The following TERF1 variants were observed in gnomAD, a reference collection of about 807,000 sequenced individuals.
The protein encoded by TERF1 is telomeric repeat binding factor 1.
Under a neutral mutation model 55.1 loss-of-function variants are expected in TERF1, and 20 were observed. That is an observed-to-expected ratio of 0.36 (90% CI 0.26 to 0.53). The LOEUF (loss-of-function observed/expected upper bound fraction) is 0.53, where lower values mean the gene tolerates loss of function less well. Ranked by LOEUF, TERF1 falls within the 20% of genes least tolerant of loss-of-function variation. The pLI, the probability that TERF1 is intolerant of heterozygous loss-of-function variation, is 0.91. For missense variants in TERF1, 439 were observed against 535.7 expected (o/e 0.82, Z 1.78); for synonymous variants, 168 against 181.2 (o/e 0.93, Z 0.59).
intron 8 of TERF1, 57 bp from the exon 9 acceptor site, chr8:73,039,059 T>C: frequency 9.0e-7 from 1 of 1,109,142 alleles, no homozygotes; most frequent in Non-Finnish European, 1.3e-6. Context: ...AAAAATATAA[T>C]TGCTCTTTTT....
chr8:73,037,404 A>T (rs1304801007), intron 8 of TERF1, among the ~76,000 whole-genome samples: 1 of 130,462 alleles, frequency 7.7e-6, no homozygotes, highest in Non-Finnish European at 1.6e-5. Flanking sequence ...ATTTGGGGGG[A>T]AAATACATAT....
Position 73,027,003 on chromosome 8 carries a change from G to A in TERF1, c.838G>A (p.Gly280Ser), listed in dbSNP as rs1432715768. The part of the protein sequence containing the change: ...RTITSQDKPS[G>S]NDVEMETEAN... ...AATAACTTCTCAAGATAAACCTAGT[G>A]GTAATGATGTTGAAATGGAAACTGA... Residue 280 changes from glycine (G) to serine (S), a missense_variant, in exon 6 of 10, where the codon GGT (glycine) becomes AGT (serine). Transcript: ENST00000276603. 6.2e-7 allele frequency: 1 copy of A among 1,612,338 alleles called. No homozygotes were observed. Among genetic ancestry groups the A allele is most frequent in the Non-Finnish European group, 8.5e-7 (1 of 1,179,626 alleles).
chr8:73,039,770 G>GGTGTGTGTGTGTGTGTGTGT (rs35184446), intron 9 of TERF1, among the ~76,000 whole-genome samples: 5 of 136,364 alleles, frequency 3.7e-5, no homozygotes, highest in African/African-American at 8.2e-5. Context: ...TTGTTTTTGT[G>GGTGTGTGTGTGTGTGTGTGT]GTGTGTGTGT....
chr8:73,022,699 T>G (rs1226694034), intron 4 of TERF1, among the ~76,000 whole-genome samples: 1 of 151,984 alleles, frequency 6.6e-6, no homozygotes, highest in Non-Finnish European at 1.5e-5. Context: ...ATAATACCAG[T>G]ACTTTAGGAG....
At chr8:73,025,479 G>A (rs569945934) in intron 5 of TERF1, among the ~76,000 whole-genome samples, 3 of 152,126 alleles carry the variant, frequency 2.0e-5, no homozygotes, top group African/African-American at 7.2e-5. Flanking sequence ...TGGGCCGGGC[G>A]CGGTGGCTCA....
At chr8:73,026,604 GAT>G (rs1465612336) in intron 5 of TERF1, among the ~76,000 whole-genome samples, 5 of 151,230 alleles carry the variant, frequency 3.3e-5, no homozygotes, top group Non-Finnish European at 7.4e-5. Flanking sequence ...ATTGATTTGA[GAT>G]AGTTTTTATT....
chr8:73,010,034 T>G (rs1206470622), intron 1 of TERF1: 1 of 152,124 alleles, frequency 6.6e-6, no homozygotes, highest in African/African-American at 2.4e-5. Context: ...GCTGTAAGAT[T>G]ACAGGTATGA....
intron 2 of TERF1, among the ~76,000 whole-genome samples, chr8:73,017,061 T>C (rs1808542839): frequency 6.6e-6 from 1 of 152,198 alleles, no homozygotes; most frequent in South Asian, 2.1e-4. Flanking sequence ...TTTTGTTTGC[T>C]GCAGTATACT....
At chr8:73,025,579 C>G (rs1351176962) in intron 5 of TERF1, among the ~76,000 whole-genome samples, 1 of 151,728 alleles carries the variant, frequency 6.6e-6, no homozygotes, top group Non-Finnish European at 1.5e-5. Flanking sequence ...ATGGTGAAAC[C>G]CCGTCTCTCC....
At chr8:73,018,473 C>T (rs575914972) in intron 2 of TERF1, among the ~76,000 whole-genome samples, 2 of 152,008 alleles carry the variant, frequency 1.3e-5, no homozygotes, top group East Asian at 1.9e-4. Context: ...GTCAGGAGTT[C>T]GAGACCAGCC....
At chr8:73,018,501 C>A (rs942195335) in intron 2 of TERF1, among the ~76,000 whole-genome samples, 2 of 152,020 alleles carry the variant, frequency 1.3e-5, no homozygotes, top group Non-Finnish European at 2.9e-5. Flanking sequence ...CATGGCAAAA[C>A]CCCGTCTCTA....
At chr8:73,014,072 G>A (rs1808390020) in intron 2 of TERF1, 82 bp downstream of exon 2, 2 of 1,230,716 alleles carry the variant, frequency 1.6e-6, no homozygotes, top group African/African-American at 1.5e-5. Flanking sequence ...AGACGTTTTT[G>A]GGGGAAGTTT....
chr8:73,012,084 T>C (rs1270538726), intron 1 of TERF1: 1 of 152,222 alleles, frequency 6.6e-6, no homozygotes. Context: ...ACTGAAACAC[T>C]TGGAGGGCAT....
At chr8:73,033,953 TTC>T (rs1809405862) in intron 8 of TERF1, among the ~76,000 whole-genome samples, 1 of 152,188 alleles carries the variant, frequency 6.6e-6, no homozygotes, top group South Asian at 2.1e-4. Flanking sequence ...TCTCTTCTTT[TTC>T]TGTTTTTGGA....
At chr8:73,018,645 C>G (rs1808627439) in intron 2 of TERF1, among the ~76,000 whole-genome samples, 1 of 152,200 alleles carries the variant, frequency 6.6e-6, no homozygotes, top group Admixed American at 6.5e-5. Flanking sequence ...CACTTCACTC[C>G]AGCCTGGTCA....
intron 9 of TERF1, among the ~76,000 whole-genome samples, chr8:73,040,697 C>T (rs1809798098): frequency 6.6e-6 from 1 of 152,024 alleles, no homozygotes; most frequent in African/African-American, 2.4e-5. Context: ...TTCTTTTGTT[C>T]CTTTCCTTCT....
intron 7 of TERF1, chr8:73,030,999 C>A: frequency 6.6e-6 from 1 of 152,294 alleles, no homozygotes; most frequent in Non-Finnish European, 1.5e-5. Flanking sequence ...TTCATAATAG[C>A]AGCACTTAGG....
chr8:73,021,602 C>T (rs1032017382), intron 3 of TERF1, among the ~76,000 whole-genome samples: 7 of 152,102 alleles, frequency 4.6e-5, no homozygotes, highest in African/African-American at 1.7e-4. Context: ...TCATAACAAT[C>T]CTATGAAATA....
intron 8 of TERF1, among the ~76,000 whole-genome samples, chr8:73,033,333 G>A (rs1235288930): frequency 6.6e-6 from 1 of 151,968 alleles, no homozygotes; most frequent in Non-Finnish European, 1.5e-5. Context: ...TTCCAAGATT[G>A]GTTTTCTATA....
Sources: allele counts gnomAD v4.1 joint callset (sites outside exome capture counted in the v4.1 genomes callset), GRCh38; gene constraint gnomAD v4.1.1; transcripts MANE v1.5; gene names NCBI Gene and HGNC (gene_info 2026-07-23, HGNC 2026-07-21).